The following TTN variants were observed in gnomAD, a reference collection of about 807,000 sequenced individuals.
TTN encodes the protein connectin.
In TTN, 1,525 loss-of-function variants were observed where a neutral mutation model predicts 3,223.0. The ratio of observed to expected loss-of-function variants is 0.47; its 90% CI spans 0.45 to 0.49. The LOEUF (loss-of-function observed/expected upper bound fraction) is 0.49, where lower values mean the gene tolerates loss of function less well. Among genes scored for constraint, TTN ranks in the 20% least tolerant of loss-of-function variants. The probability of loss-of-function intolerance (pLI) is 0.00; values close to 1 mark genes in which losing one functional copy is unlikely to be tolerated. For missense variants in TTN, 40,786 were observed against 43,424.0 expected, an observed-to-expected ratio of 0.94 and a Z score of 5.40; for synonymous variants, 14,094 against 15,161.0, an observed-to-expected ratio of 0.93 and a Z score of 5.17.
chr2:178,745,856 C>G, intron 47 of TTN: 2 of 1,612,912 alleles, frequency 1.2e-6, no homozygotes, highest in Non-Finnish European at 8.5e-7. Flanking sequence ...TTTGATAAAC[C>G]TGGGAGGCCC....
chr2:178,528,573 A>G lies in TTN; in HGVS notation c.107178T>C (p.Ser35726=), dbSNP rs751862634. ...ATTCGATTTCAGGGGATGGCTCGCC[A>G]CTGATTTCACAAGTAAAGAGAACAT... is the stretch of plus-strand genomic sequence containing the variant. The part of the protein sequence containing the change: ...GQNVLFTCEI[S]GEPSPEIEWF... The change falls in exon 360 of 363, where the codon AGT becomes AGC. Residue 35726 remains serine (S), a synonymous_variant. Transcript: ENST00000589042. 2 of 1,612,698 alleles carry G rather than the reference A, an allele frequency of 1.2e-6. No individual in the cohort carries two copies. The highest frequency in any genetic ancestry group is 2.2e-5 in the East Asian group (1 of 44,856).
Position 178,730,778 on chromosome 2 carries a change from G to A in TTN, c.17755C>T (p.Pro5919Ser), listed in dbSNP as rs780414866. Residue 5919 changes from proline (P) to serine (S), a missense_variant, in exon 61 of 363, where the codon CCT becomes TCT. Physicochemically the swap from Pro to Ser is moderately conservative, Grantham distance 74. Transcript: ENST00000589042. ...TTCTTCAGCTTTTTGGTGAATGAAG[G>A]AGGTATGATAAGATCTATTCAATGA... is the stretch of plus-strand genomic sequence containing the variant. ...RINVLDLIIP[P>S]SFTKKLKKMD... 1.2e-6 allele frequency: 2 copies of A among 1,602,208 alleles called. No homozygotes were observed. Among genetic ancestry groups the A allele is most frequent in the South Asian group, 2.2e-5 (2 of 89,654 alleles).
In TTN at chr2:178,720,457, C is replaced by T. The variant is rs1553907172; in HGVS notation, c.23305G>A (p.Val7769Ile). The T allele has an allele frequency of 1.9e-6, 3 of 1,613,734 alleles. No homozygotes were observed. Among genetic ancestry groups the T allele is most frequent in the African/African-American group, 2.7e-5 (2 of 75,046 alleles). ...LHILNLEASD[V>I]GEYHCKATNE... is the part of the protein sequence containing the mutation. ...GTAGCTTTGCAGTGATATTCCCCGACATCGGAGGCTTCAAGATTAAGGATA... is the reference window on the plus strand; with the variant it reads ...GTAGCTTTGCAGTGATATTCCCCGATATCGGAGGCTTCAAGATTAAGGATA... Residue 7769 changes from valine to isoleucine, a missense_variant, in exon 80 of 363, where the codon GTC (valine) becomes ATC (isoleucine). Physicochemically the swap from Val to Ile is conservative, Grantham distance 29. Coordinates refer to ENST00000589042, the MANE Select transcript of TTN (RefSeq NM_001267550.2).
chr2:178,544,939 G>T lies in TTN; in HGVS notation c.95723-433C>A, dbSNP rs182682467. Among the ~76,000 whole-genome samples the T allele has an allele frequency of 3.5e-3, 532 of 152,152 alleles. 3 individuals carry two copies. Among genetic ancestry groups the T allele is most frequent in the African/African-American group, 0.012 (499 of 41,526 alleles). On this transcript the variant is annotated intron_variant, in intron 344 of 362. Transcript: ENST00000589042. The stretch of plus-strand genomic sequence containing the variant: ...CAGTGACTATTCCTTTATAGTTCTT[G>T]GGCTCAGACTCTGTAAAAGGATTTG...
rs1371957160 is a variant in TTN at position 178,650,719 on chromosome 2, G to A, written c.39709+32C>T. 3.9e-6 allele frequency: 6 copies of A among 1,546,096 alleles called. No homozygotes were observed. In the Admixed American group the frequency reaches 9.7e-5, roughly 25 times the overall value. Reference sequence around the variant, plus strand: ...CTTAAATTAGAAATAGTCGCAAGTGGCAAGGTCATTAATCACCGGTCTCAC... The same window carrying A: ...CTTAAATTAGAAATAGTCGCAAGTGACAAGGTCATTAATCACCGGTCTCAC... On this transcript the variant is annotated intron_variant, in intron 209 of 362. Coordinates refer to ENST00000589042, the MANE Select transcript of TTN (RefSeq NM_001267550.2).
intron 106 of TTN, among the ~76,000 whole-genome samples, chr2:178,703,936 A>G (rs2075422794): frequency 3.9e-5 from 6 of 152,234 alleles, no homozygotes; most frequent in Admixed American, 3.9e-4. Flanking sequence ...TTAAAATCTA[A>G]AAGAACGATG....
intron 50 of TTN, 145 bp downstream of exon 50, chr2:178,735,366 T>C: frequency 1.2e-6 from 1 of 839,952 alleles, no homozygotes; most frequent in Non-Finnish European, 1.7e-6. Flanking sequence ...AATCAAACAA[T>C]GCCAGGACTT....
At chr2:178,735,369 C>T in intron 50 of TTN, 142 bp downstream of exon 50, 1 of 860,184 alleles carries the variant, frequency 1.2e-6, no homozygotes, top group Non-Finnish European at 1.7e-6. Flanking sequence ...CAAACAATGC[C>T]AGGACTTTCC....
At chr2:178,663,245 T>G (rs748300077) in intron 173 of TTN, 21 bp downstream of exon 173, 1 of 1,544,274 alleles carries the variant, frequency 6.5e-7, no homozygotes, top group Non-Finnish European at 8.7e-7. Flanking sequence ...TCTCCTATAG[T>G]TTGTATAGCT....
intron 279 of TTN, 41 bp downstream of exon 279, chr2:178,605,373 G>T: frequency 6.5e-7 from 1 of 1,542,674 alleles, no homozygotes; most frequent in East Asian, 2.3e-5. Flanking sequence ...AAGGCACACT[G>T]TAAAATGCAT....
chr2:178,757,824 T>C lies in TTN; in HGVS notation c.10396A>G (p.Ser3466Gly). 6.2e-7 allele frequency: 1 copy of C among 1,606,636 alleles called. No homozygotes were observed. Residue 3466 changes from serine (S) to glycine (G), a missense_variant, in exon 45 of 363, where the codon AGC (serine) becomes GGC (glycine). Physicochemically the swap from Ser to Gly is moderately conservative, Grantham distance 56. Transcript: ENST00000589042. The stretch of plus-strand genomic sequence containing the variant: ...AGGCTTGACAGAGGCTGGATGAAGC[T>C]GGGCTTTTGGCCAAGGGGCTCCTTC... The part of the protein sequence containing the change: ...FKKEPLGQKP[S>G]FIQPLSSLRV...
At chr2:178,743,937 A>G (rs1012293597) in intron 47 of TTN, among the ~76,000 whole-genome samples, 2 of 151,884 alleles carry the variant, frequency 1.3e-5, no homozygotes, top group Non-Finnish European at 2.9e-5. Context: ...GATAATTCAA[A>G]ATTTTTTTTG....
In TTN at chr2:178,731,694, T is replaced by C; in HGVS notation, c.17181A>G (p.Arg5727=). The C allele has an allele frequency of 6.2e-7, 1 of 1,608,236 alleles. No homozygotes were observed. Among genetic ancestry groups the C allele is most frequent in the Non-Finnish European group, 8.5e-7 (1 of 1,176,046 alleles). ...SSICSARVTL[R]EPPSFIKKIE... is the part of the protein sequence containing the mutation. ...TCCCTCACTGGAACCAACACTAACC[T>C]CTTAAAGTCACCCTGGCACTGCAGA... The change falls in exon 58 of 363, where the codon AGA becomes AGG. Residue 5727 remains arginine, a splice_region_variant and synonymous_variant. Coordinates refer to ENST00000589042, the MANE Select transcript of TTN (RefSeq NM_001267550.2).
At chr2:178,710,449 G>A (rs576985197) in intron 98 of TTN, among the ~76,000 whole-genome samples, 186 bp downstream of exon 98, 2 of 152,182 alleles carry the variant, frequency 1.3e-5, no homozygotes, top group Non-Finnish European at 1.5e-5. Flanking sequence ...CCTGTCTCGA[G>A]GAAAGAAAGA....
Position 178,723,835 on chromosome 2 carries a change from C to A in TTN, c.21403+21G>T. ...AGAGGAATTTGTAAGAAATTCCTTA[C>A]AAGTTTGACTGTCTACTGACCTTGT... On this transcript the variant is annotated intron_variant, in intron 73 of 362. Coordinates refer to ENST00000589042, the MANE Select transcript of TTN (RefSeq NM_001267550.2). The A allele has an allele frequency of 1.9e-6, 3 of 1,575,254 alleles. No homozygotes were observed. The South Asian group carries it at 3.5e-5, about 19-fold the overall frequency.
Position 178,663,985 on chromosome 2 carries a change from C to A in TTN, c.36364+30G>T, listed in dbSNP as rs369392826. 22 of 1,612,148 alleles carry A rather than the reference C, an allele frequency of 1.4e-5. No individual in the cohort carries two copies. In the African/African-American group the frequency reaches 2.8e-4, roughly 21 times the overall value. ...ATTGTCAAGAGCAGAAGAATTAGGTCTTCTGAAGCCTAAAGTCAGTGACAA... is the reference window on the plus strand; with the variant it reads ...ATTGTCAAGAGCAGAAGAATTAGGTATTCTGAAGCCTAAAGTCAGTGACAA... On this transcript the variant is annotated intron_variant, in intron 169 of 362. Transcript: ENST00000589042.
chr2:178,612,377 A>C lies in TTN; in HGVS notation c.50148T>G (p.Thr16716=). 6.2e-7 allele frequency: 1 copy of C among 1,612,582 alleles called. No individual in the cohort carries two copies. Among genetic ancestry groups the C allele is most frequent in the Non-Finnish European group, 8.5e-7 (1 of 1,179,216 alleles). Reference sequence around the variant, plus strand: ...CTCGGAACACATATAAAGAGCCCTCAGTCAGTGGGGTGACTGTGCACTTGG... The same window carrying C: ...CTCGGAACACATATAAAGAGCCCTCCGTCAGTGGGGTGACTGTGCACTTGG... ...KDTKCTVTPL[T]EGSLYVFRVA... is the part of the protein sequence containing the mutation. Residue 16716 remains threonine (T), a synonymous_variant, in exon 266 of 363, where the codon ACT becomes ACG. Coordinates refer to ENST00000589042, the MANE Select transcript of TTN (RefSeq NM_001267550.2).
chr2:178,633,157 C>T (rs759253667), intron 233 of TTN, 30 bp downstream of exon 233: 11 of 1,606,634 alleles, frequency 6.8e-6, no homozygotes. Flanking sequence ...AGCAACCCCT[C>T]TCCTATATAA....
At chr2:178,540,745 A>C (rs1047436397) in intron 350 of TTN, among the ~76,000 whole-genome samples, 3 of 152,152 alleles carry the variant, frequency 2.0e-5, no homozygotes, top group African/African-American at 4.8e-5. Flanking sequence ...GCAGTGAGCC[A>C]AGATCATGCC....
Sources: gnomAD v4.1 joint callset for allele counts (sites outside exome capture counted in the v4.1 genomes callset) on GRCh38, gnomAD v4.1.1 for gene constraint, MANE v1.5 for transcripts, NCBI Gene and HGNC (gene_info 2026-07-23, HGNC 2026-07-21) for gene names.